The following TMPRSS2 variants were observed in gnomAD, a reference collection of about 807,000 sequenced individuals.
TMPRSS2 encodes the protein transmembrane protease serine 2.
Under a neutral mutation model 67.4 loss-of-function variants are expected in TMPRSS2, and 59 were observed. The ratio of observed to expected loss-of-function variants is 0.88; its 90% CI spans 0.71 to 1.09. TMPRSS2 has a LOEUF of 1.09. Ranked by LOEUF, TMPRSS2 falls within the 50% of genes least tolerant of loss-of-function variation. The probability of loss-of-function intolerance (pLI) is 0.00; values close to 1 mark genes in which losing one functional copy is unlikely to be tolerated. For missense variants in TMPRSS2, 668 were observed against 642.7 expected (o/e 1.04, Z -0.43); for synonymous variants, 257 against 257.0 (o/e 1.00, Z 0.00).
At chr21:41,507,550 A>G (rs565299100) in intron 1 of TMPRSS2, among the ~76,000 whole-genome samples, 65 of 152,240 alleles carry the variant, frequency 4.3e-4, no homozygotes, top group Non-Finnish European at 7.2e-4. Flanking sequence ...CCGGCATCTC[A>G]GCGAGTTTCC....
At chr21:41,479,539 G>A (rs915602242) in intron 6 of TMPRSS2, among the ~76,000 whole-genome samples, 2 of 152,132 alleles carry the variant, frequency 1.3e-5, no homozygotes, top group Non-Finnish European at 2.9e-5. Flanking sequence ...CTATGAGAAG[G>A]ACATAGGATT....
At chr21:41,484,472 G>A (rs2091280660) in intron 5 of TMPRSS2, among the ~76,000 whole-genome samples, 1 of 152,154 alleles carries the variant, frequency 6.6e-6, no homozygotes, top group Non-Finnish European at 1.5e-5. Context: ...CATGGGACGG[G>A]TCATATTCTT....
At chr21:41,468,176 C>A in intron 12 of TMPRSS2, 1 of 632,914 alleles carries the variant, frequency 1.6e-6, no homozygotes, top group Non-Finnish European at 2.7e-6. Context: ...GCACTTTTAC[C>A]AAATACCGGT....
At chr21:41,472,670 T>C (rs768176403) in intron 9 of TMPRSS2, among the ~76,000 whole-genome samples, 8 of 152,150 alleles carry the variant, frequency 5.3e-5, no homozygotes, top group African/African-American at 9.7e-5. Context: ...TCAGAGACGT[T>C]GAGTGAATCG....
intron 5 of TMPRSS2, among the ~76,000 whole-genome samples, chr21:41,483,321 G>A (rs1466682990): frequency 6.9e-6 from 1 of 144,426 alleles, no homozygotes; most frequent in Non-Finnish European, 1.5e-5. Flanking sequence ...TTTTTTTCTT[G>A]TTCCCAGGCT....
intron 1 of TMPRSS2, among the ~76,000 whole-genome samples, chr21:41,505,167 A>T (rs2091449469): frequency 6.6e-6 from 1 of 151,962 alleles, no homozygotes; most frequent in Non-Finnish European, 1.5e-5. Flanking sequence ...TTTCCTTTCT[A>T]CCTCAATGTC....
At position 41,467,632 on chromosome 21, in the gene TMPRSS2, T is replaced by C. The variant is rs540024706; in HGVS notation, c.1467+102A>G. ...GCAGAGTTTGCTTCATGCTGACCAG[T>C]GGTCACCAGTCAGCTTCCAGCAGCA... On this transcript the variant is annotated intron_variant, in intron 13 of 13. Transcript: ENST00000332149. The C allele has an allele frequency of 4.8e-4, 675 of 1,417,016 alleles. 7 individuals are homozygous for C. In the South Asian group the frequency reaches 8.2e-3, roughly 17 times the overall value. The allele number at this position is 1,417,016 out of a possible 1,614,324, so 87.8% of individuals were successfully genotyped here.
In TMPRSS2 at chr21:41,494,776, AAAGGTACTAC is replaced by A. The variant is rs981372050; in HGVS notation, c.16-208_16-199del. The A allele has an allele frequency of 8.5e-6, 6 of 703,996 alleles. No homozygotes were observed. The Admixed American group carries it at 1.2e-4, about 14-fold the overall frequency. The allele number at this position is 703,996 out of a possible 1,614,324, so 43.6% of individuals were successfully genotyped here. A position where few individuals can be genotyped will look rare whatever the true frequency, so the allele number is the denominator to read the frequency against. On this transcript the variant is annotated intron_variant, in intron 2 of 13. Transcript: ENST00000332149. The stretch of plus-strand genomic sequence containing the variant: ...TAATAAGAAAGTGACAAGATATTAA[AAAGGTACTAC>A]AAGGCTGGGTGCGGTGGCTCATGCC...
intron 5 of TMPRSS2, among the ~76,000 whole-genome samples, chr21:41,481,850 GT>G (rs2091259603): frequency 6.6e-6 from 1 of 152,120 alleles, no homozygotes; most frequent in Admixed American, 6.6e-5. Context: ...ATCACCTGAG[GT>G]CAGGCGTTTG....
intron 3 of TMPRSS2, among the ~76,000 whole-genome samples, chr21:41,494,047 C>T (rs2091358510): frequency 6.6e-6 from 1 of 152,250 alleles, no homozygotes; most frequent in African/African-American, 2.4e-5. Context: ...ATAAACCACA[C>T]AGCCAAGAAA....
chr21:41,487,579 A>T (rs2091307779), intron 5 of TMPRSS2: 1 of 152,256 alleles, frequency 6.6e-6, no homozygotes, highest in Admixed American at 6.5e-5. Context: ...GGTAAGGCCC[A>T]TGTTCTAGCT....
chr21:41,473,253 C>T (rs990674063), intron 9 of TMPRSS2, 72 bp downstream of exon 9: 11 of 1,476,722 alleles, frequency 7.4e-6, no homozygotes, highest in Non-Finnish European at 9.1e-7. Context: ...AGGGTTGAGA[C>T]CTGCTCAAGG....
intron 2 of TMPRSS2, among the ~76,000 whole-genome samples, chr21:41,496,814 T>G (rs1035572611): frequency 1.4e-5 from 2 of 145,980 alleles, no homozygotes; most frequent in Non-Finnish European, 3.0e-5. Flanking sequence ...AATTTCTGCC[T>G]CTTGTCTCTC....
chr21:41,472,927 G>A (rs563812695), intron 9 of TMPRSS2, among the ~76,000 whole-genome samples: 3 of 152,282 alleles, frequency 2.0e-5, no homozygotes, highest in East Asian at 3.9e-4. Flanking sequence ...CTTAACCCCA[G>A]GGACCTTCCA....
At chr21:41,481,113 T>C (rs2091254167) in intron 5 of TMPRSS2, among the ~76,000 whole-genome samples, 1 of 152,234 alleles carries the variant, frequency 6.6e-6, no homozygotes, top group African/African-American at 2.4e-5. Flanking sequence ...AAACAGGCAT[T>C]GGGTCCAAAA....
rs542458473 is a variant in TMPRSS2, at chr21:41,465,709, G to C, written c.*433C>G. 70 of 261,218 alleles carry C rather than the reference G, an allele frequency of 2.7e-4. No individual in the cohort carries two copies. The South Asian group carries it at 8.6e-3, about 32-fold the overall frequency. 16.2% of individuals were successfully genotyped at this position (261,218 alleles called of 1,614,324 possible). ...AGAGGTAGGCTGGGGACACTACCAA[G>C]TGGCCCCAGAGGGCAGCCGCTGCAG... On this transcript the variant is annotated 3_prime_UTR_variant, in exon 14 of 14. Coordinates refer to ENST00000332149, the MANE Select transcript of TMPRSS2 (RefSeq NM_005656.4).
chr21:41,486,568 G>T (rs1255867572), intron 5 of TMPRSS2: 1 of 152,258 alleles, frequency 6.6e-6, no homozygotes, highest in East Asian at 1.9e-4. Context: ...AAAGTGCTGG[G>T]ATTACAGGCA....
intron 8 of TMPRSS2, among the ~76,000 whole-genome samples, chr21:41,475,629 GGGTT>G (rs1209184481): frequency 4.5e-5 from 1 of 22,348 alleles, no homozygotes; most frequent in Non-Finnish European, 1.4e-4. Context: ...AGGTGAGTGA[GGGTT>G]GAGGGAGTGA....
chr21:41,492,068 C>T (rs1569023480), intron 3 of TMPRSS2, among the ~76,000 whole-genome samples: 2 of 152,232 alleles, frequency 1.3e-5, no homozygotes, highest in Non-Finnish European at 2.9e-5. Context: ...AGTAGTGCAC[C>T]TGTAGTCCTA....
Sources: allele counts gnomAD v4.1 joint callset (sites outside exome capture counted in the v4.1 genomes callset), GRCh38; gene constraint gnomAD v4.1.1; transcripts MANE v1.5; gene names NCBI Gene and HGNC (gene_info 2026-07-23, HGNC 2026-07-21).